Variants in DYSF observed in about 807,000 individuals in gnomAD.
DYSF encodes dysferlin.
In DYSF, 212 loss-of-function variants were observed where a neutral mutation model predicts 274.9. The ratio of observed to expected loss-of-function variants is 0.77; its 90% CI spans 0.69 to 0.86. DYSF has a LOEUF of 0.86. DYSF is among the 40% of genes least tolerant of loss of function. The probability of loss-of-function intolerance (pLI) is 0.00; values close to 1 mark genes in which losing one functional copy is unlikely to be tolerated. For missense variants in DYSF, 2,666 were observed against 2,783.2 expected, an observed-to-expected ratio of 0.96 and a Z score of 0.95; for synonymous variants, 1,091 against 1,078.7, an observed-to-expected ratio of 1.01 and a Z score of -0.22.
chr2:71,533,582 A>C (rs1396177300), intron 14 of DYSF, among the ~76,000 whole-genome samples: 2 of 152,238 alleles, frequency 1.3e-5, no homozygotes, highest in Non-Finnish European at 2.9e-5. Flanking sequence ...AGCCTCACAC[A>C]TATGTCATTC....
At chr2:71,477,849 A>G (rs1308659847) in intron 1 of DYSF, among the ~76,000 whole-genome samples, 1 of 152,228 alleles carries the variant, frequency 6.6e-6, no homozygotes, top group Non-Finnish European at 1.5e-5. Flanking sequence ...ATTCACAGTT[A>G]TCTGAAAGTG....
chr2:71,490,251 T>A (rs890545880), intron 3 of DYSF, among the ~76,000 whole-genome samples: 6 of 152,210 alleles, frequency 3.9e-5, no homozygotes, highest in Non-Finnish European at 5.9e-5. Flanking sequence ...CAAAAAGTTA[T>A]AAAGGAAAAA....
At chr2:71,554,997 T>G (rs2091240274) in intron 21 of DYSF, among the ~76,000 whole-genome samples, 1 of 151,958 alleles carries the variant, frequency 6.6e-6, no homozygotes, top group Non-Finnish European at 1.5e-5. Flanking sequence ...AGGAGCATGC[T>G]CAGATCAGCA....
At chr2:71,499,028 T>C (rs1360737143) in intron 3 of DYSF, among the ~76,000 whole-genome samples, 4 of 152,242 alleles carry the variant, frequency 2.6e-5, no homozygotes, top group Non-Finnish European at 5.9e-5. Context: ...GTAAAAACTT[T>C]AAGAAGTTGT....
chr2:71,602,801 A>G lies in DYSF; in HGVS notation c.3953A>G (p.Asp1318Gly), dbSNP rs1489253211. The change falls in exon 36 of 56, where the codon GAT becomes GGT. Residue 1318 changes from aspartate to glycine, a missense_variant. Around this residue, in one of 3 missense-constraint regions of DYSF, gnomAD observed 1,460 missense variants for 1,502.1 expected, o/e 0.97. Transcript: ENST00000410020. ...GTGCAGGAGACATCAAGGATCCTGG[A>G]TGAGGTGAGCTGGGCGTGGTGGTTG... ...FEVQETSRIL[D>G]ESEDTDLPYP... The G allele has an allele frequency of 6.2e-7, 1 of 1,613,150 alleles. No homozygotes were observed. The highest frequency in any genetic ancestry group is 8.5e-7 in the Non-Finnish European group (1 of 1,179,896).
At chr2:71,664,491 C>A in intron 46 of DYSF, 53 bp downstream of exon 46, 1 of 1,603,646 alleles carries the variant, frequency 6.2e-7, no homozygotes, top group South Asian at 1.1e-5. Context: ...CCACCCCTGT[C>A]TTCTCTGACA....
intron 31 of DYSF, 72 bp from the exon 32 acceptor site, chr2:71,590,139 C>T: frequency 1.3e-6 from 2 of 1,497,492 alleles, no homozygotes; most frequent in African/African-American, 1.4e-5. Context: ...CAGACTCCAC[C>T]TCCCCCCGAG....
chr2:71,530,432 C>T (rs966535484), intron 14 of DYSF, among the ~76,000 whole-genome samples: 8 of 152,238 alleles, frequency 5.3e-5, no homozygotes, highest in African/African-American at 1.7e-4. Context: ...CATCTTTGAT[C>T]TCCCTGGGTC....
At chr2:71,622,713 T>G (rs913302378) in intron 41 of DYSF, among the ~76,000 whole-genome samples, 3 of 152,198 alleles carry the variant, frequency 2.0e-5, no homozygotes, top group Admixed American at 2.0e-4. Flanking sequence ...CCTCCTGGGT[T>G]CAAGCAATTC....
chr2:71,613,449 T>G (rs1268092517), intron 40 of DYSF, 39 bp downstream of exon 40: 1 of 1,528,156 alleles, frequency 6.5e-7, no homozygotes, highest in Admixed American at 1.8e-5. Flanking sequence ...GGGTCACCTT[T>G]CCCCTCCATT....
At chr2:71,595,499 G>A (rs1467162649) in intron 32 of DYSF, among the ~76,000 whole-genome samples, 8 of 152,198 alleles carry the variant, frequency 5.3e-5, no homozygotes, top group Admixed American at 5.2e-4. Context: ...GGTGGTCTGA[G>A]TGGTTGGTGG....
chr2:71,528,184 G>C (rs2088188862), intron 13 of DYSF, 114 bp from the exon 14 acceptor site: 7 of 940,320 alleles, frequency 7.4e-6, no homozygotes, highest in Non-Finnish European at 1.2e-5. Flanking sequence ...GTGTGAAGGG[G>C]CCAAAGCTTC....
intron 3 of DYSF, among the ~76,000 whole-genome samples, chr2:71,488,577 T>C (rs1400340728): frequency 1.3e-5 from 2 of 152,194 alleles, no homozygotes; most frequent in South Asian, 2.1e-4. Context: ...TATTAAGGCA[T>C]TAATCATCGT....
In DYSF at chr2:71,611,495, A is replaced by G; in HGVS notation, c.4090A>G (p.Ser1364Gly). The G allele has an allele frequency of 1.2e-6, 2 of 1,614,092 alleles. No homozygotes were observed. The highest frequency in any genetic ancestry group is 1.7e-6 in the Non-Finnish European group (2 of 1,180,010). Residue 1364 changes from serine (S) to glycine (G), a missense_variant, in exon 38 of 56, where the codon AGT becomes GGT. By Grantham distance (56) the Ser-to-Gly change is moderately conservative. Transcript: ENST00000410020. Reference protein sequence around the residue: ...ILAWGLRNMKSYQLANISSPS... With the variant: ...ILAWGLRNMKGYQLANISSPS... ...GGCATGGGGCCTGCGGAACATGAAG[A>G]GTTACCAGCTGGCCAACATCTCCTC...
intron 30 of DYSF, among the ~76,000 whole-genome samples, chr2:71,580,441 G>A (rs2092851902): frequency 6.6e-6 from 1 of 152,244 alleles, no homozygotes; most frequent in Non-Finnish European, 1.5e-5. Flanking sequence ...TGAGCTGGCT[G>A]AAAAGGAGGT....
rs369598737 is a variant in DYSF, at chr2:71,611,384, G to A, written c.4059+38G>A. 9.5e-5 allele frequency: 154 copies of A among 1,613,696 alleles called. 1 individual carries two copies. The African/African-American group carries it at 1.7e-3, about 18-fold the overall frequency. Reference sequence around the variant, plus strand: ...GGCCTGGGCGTGGGGGCTGGGAGCAGCCTGCCCTTCCCCTTCCTGGCCCCA... The same window carrying A: ...GGCCTGGGCGTGGGGGCTGGGAGCAACCTGCCCTTCCCCTTCCTGGCCCCA... On this transcript the variant is annotated intron_variant, in intron 37 of 55. Transcript: ENST00000410020.
intron 42 of DYSF, among the ~76,000 whole-genome samples, chr2:71,649,442 G>A (rs2094619370): frequency 6.6e-6 from 1 of 152,122 alleles, no homozygotes; most frequent in Admixed American, 6.6e-5. Flanking sequence ...TGTTAAGGAA[G>A]ATATTCTTGT....
chr2:71,503,222 G>T lies in DYSF; in HGVS notation c.248G>T (p.Gly83Val). Residue 83 changes from glycine (G) to valine (V), a missense_variant, in exon 4 of 56, where the codon GGG becomes GTG. Gly to Val is a moderately radical substitution (Grantham distance 109). Transcript: ENST00000410020. The part of the protein sequence containing the change: ...HETMGRNRFL[G>V]EAKVPLREVL... ...CTTCTCTCTCCTCTCAGGTTCCTGG[G>T]GGAAGCCAAGGTCCCACTCCGAGAG... is the stretch of plus-strand genomic sequence containing the variant. 6.2e-7 allele frequency: 1 copy of T among 1,614,016 alleles called. No homozygotes were observed. Among genetic ancestry groups the T allele is most frequent in the Non-Finnish European group, 8.5e-7 (1 of 1,179,958 alleles).
chr2:71,536,528 G>T (rs529080292), intron 16 of DYSF, among the ~76,000 whole-genome samples: 2 of 152,334 alleles, frequency 1.3e-5, no homozygotes, highest in African/African-American at 4.8e-5. Flanking sequence ...CTCTGACTGC[G>T]GGCGATGAGC....
Sources: allele counts gnomAD v4.1 joint callset (sites outside exome capture counted in the v4.1 genomes callset), GRCh38; gene constraint gnomAD v4.1.1; regional missense constraint gnomAD v4.1.1; transcripts MANE v1.5; gene names NCBI Gene and HGNC (gene_info 2026-07-23, HGNC 2026-07-21).